The following GOPC variants were observed in gnomAD, a reference collection of about 807,000 sequenced individuals.
GOPC encodes golgi associated PDZ and coiled-coil motif containing, also known as Golgi-associated PDZ and coiled-coil motif-containing protein.
A neutral mutation model predicts 51.2 loss-of-function variants in GOPC; 32 were observed. The ratio of observed to expected loss-of-function variants is 0.63; its 90% CI spans 0.47 to 0.84. The LOEUF (loss-of-function observed/expected upper bound fraction) is 0.84, where lower values mean the gene tolerates loss of function less well. Ranked by LOEUF, GOPC falls within the 40% of genes least tolerant of loss-of-function variation. GOPC has a pLI of 0.00. For missense variants in GOPC, 441 were observed against 555.5 expected (o/e 0.79, Z 2.07); for synonymous variants, 190 against 205.1 (o/e 0.93, Z 0.63).
chr6:117,599,995 G>A (rs780217843), intron 1 of GOPC, among the ~76,000 whole-genome samples: 1 of 152,178 alleles, frequency 6.6e-6, no homozygotes, highest in Non-Finnish European at 1.5e-5. Flanking sequence ...AGTTGTAAAT[G>A]ATATGAAATT....
Position 117,573,619 on chromosome 6 carries a change from G to T in GOPC, c.664C>A (p.Gln222Lys), listed in dbSNP as rs981580409. 2 of 1,613,092 alleles carry T rather than the reference G, an allele frequency of 1.2e-6. No homozygotes were observed. Among genetic ancestry groups the T allele is most frequent in the African/African-American group, 1.3e-5 (1 of 74,888 alleles). Residue 222 changes from glutamine (Q) to lysine (K), a missense_variant, in exon 5 of 9, where the codon CAA (glutamine) becomes AAA (lysine). Physicochemically the swap from Gln to Lys is moderately conservative, Grantham distance 53. Transcript: ENST00000368498. ...KELAGRVQQI[Q>K]LLGRDMKGPA... ...CCCTTCATATCTCGTCCTAGCAATT[G>T]TATCTGTTGGACCCTTCATATTGGG...
intron 1 of GOPC, among the ~76,000 whole-genome samples, chr6:117,601,132 C>G (rs2114633817): frequency 6.6e-6 from 1 of 152,114 alleles, no homozygotes; most frequent in East Asian, 1.9e-4. Context: ...AAAGAAAGAC[C>G]CATTCTCTTA....
intron 1 of GOPC, among the ~76,000 whole-genome samples, chr6:117,596,473 A>G (rs141440106): frequency 0.014 from 2,194 of 152,284 alleles, 54 homozygotes; most frequent in African/African-American, 0.049. Context: ...GCCTAAGCCA[A>G]TATCTAAAAG....
chr6:117,581,844 T>A (rs1343868195), intron 1 of GOPC, among the ~76,000 whole-genome samples: 1 of 152,214 alleles, frequency 6.6e-6, no homozygotes, highest in Non-Finnish European at 1.5e-5. Flanking sequence ...TTTTGATACA[T>A]ATTGCATATA....
chr6:117,593,788 AG>A (rs1210314303), intron 1 of GOPC, among the ~76,000 whole-genome samples: 4 of 152,220 alleles, frequency 2.6e-5, no homozygotes, highest in Non-Finnish European at 4.4e-5. Flanking sequence ...CTATCTATTC[AG>A]GCAACCAGCT....
chr6:117,569,601 T>C lies in GOPC; in HGVS notation c.1048A>G (p.Lys350Glu), dbSNP rs773460282. Reference protein sequence around the residue: ...NGVNLRDTKHKEAVTILSQQR... With the variant: ...NGVNLRDTKHEEAVTILSQQR... ...TGAGAAAGAATAGTTACAGCTTCTT[T>C]ATGCTTTGTGTCCCTTAGGTTAACT... The change falls in exon 7 of 9, where the codon AAA (lysine) becomes GAA (glutamate). Residue 350 changes from lysine to glutamate, a missense_variant. By Grantham distance (56) the Lys-to-Glu change is moderately conservative. Transcript: ENST00000368498. 4.3e-6 allele frequency: 7 copies of C among 1,613,118 alleles called. No individual in the cohort carries two copies. The highest frequency in any genetic ancestry group is 4.0e-5 in the African/African-American group (3 of 74,866).
chr6:117,602,297 C>A lies in GOPC; in HGVS notation c.-9G>T, dbSNP rs1441564788. On this transcript the variant is annotated 5_prime_UTR_variant, in exon 1 of 9. Coordinates refer to ENST00000368498, the MANE Select transcript of GOPC (RefSeq NM_020399.4). ...GGACCGCCCGCCGACATGGCGCCGT[C>A]AAGGGCCTCTCCCGACTGCTGAAGA... The A allele has an allele frequency of 1.3e-6, 2 of 1,581,296 alleles. No homozygotes were observed. The highest frequency in any genetic ancestry group is 2.2e-5 in the South Asian group (2 of 89,520).
intron 1 of GOPC, among the ~76,000 whole-genome samples, chr6:117,583,597 T>C (rs548315873): frequency 2.0e-5 from 3 of 152,358 alleles, no homozygotes; most frequent in South Asian, 2.1e-4. Context: ...ATGTTATATT[T>C]GTATATAACA....
At chr6:117,574,121 C>T (rs920672257) in intron 4 of GOPC, among the ~76,000 whole-genome samples, 2 of 151,968 alleles carry the variant, frequency 1.3e-5, no homozygotes, top group African/African-American at 4.8e-5. Context: ...GGCATGGTGG[C>T]ATGCCTGTGG....
chr6:117,580,566 A>T (rs1328092295), intron 1 of GOPC, among the ~76,000 whole-genome samples: 1 of 152,144 alleles, frequency 6.6e-6, no homozygotes, highest in Non-Finnish European at 1.5e-5. Context: ...TCTAACAGGA[A>T]ATCATTCTAT....
chr6:117,571,611 T>G (rs971834304), intron 5 of GOPC, among the ~76,000 whole-genome samples: 2 of 152,122 alleles, frequency 1.3e-5, no homozygotes, highest in African/African-American at 2.4e-5. Flanking sequence ...CCCCCTTTCC[T>G]TAACCTCTAC....
chr6:117,589,158 G>C (rs1323431260), intron 1 of GOPC, among the ~76,000 whole-genome samples: 9 of 152,242 alleles, frequency 5.9e-5, no homozygotes, highest in Non-Finnish European at 1.0e-4. Context: ...CAGCCCACAG[G>C]CTGCGGGTTA....
intron 1 of GOPC, among the ~76,000 whole-genome samples, chr6:117,587,971 T>G (rs1043284441): frequency 2.6e-5 from 4 of 151,968 alleles, no homozygotes; most frequent in Non-Finnish European, 5.9e-5. Flanking sequence ...AACTCCTGAG[T>G]AGAAATAATC....
rs766112504 is a variant in GOPC, at chr6:117,602,089, C to T, written c.200G>A (p.Arg67Gln). Residue 67 changes from arginine (R) to glutamine (Q), a missense_variant, in exon 1 of 9, where the codon CGA becomes CAA. By Grantham distance (43) the Arg-to-Gln change is conservative (BLOSUM62 1). Coordinates refer to ENST00000368498, the MANE Select transcript of GOPC (RefSeq NM_020399.4). ...GGAGCTCAGGCTGGTCATCTTCTGTCGCCCCTCATAAGTGATGTCCGCTTG... is the reference window on the plus strand; with the variant it reads ...GGAGCTCAGGCTGGTCATCTTCTGTTGCCCCTCATAAGTGATGTCCGCTTG... ...PDQADITYEG[R>Q]QKMTSLSSCF... 3 of 1,614,196 alleles carry T rather than the reference C, an allele frequency of 1.9e-6. No individual in the cohort carries two copies. The highest frequency in any genetic ancestry group is 2.5e-6 in the Non-Finnish European group (3 of 1,180,030).
intron 1 of GOPC, among the ~76,000 whole-genome samples, chr6:117,598,804 C>G (rs1488272404): frequency 6.6e-6 from 1 of 151,926 alleles, no homozygotes; most frequent in East Asian, 1.9e-4. Context: ...AAAATTATGG[C>G]TAAATAAGAG....
intron 7 of GOPC, among the ~76,000 whole-genome samples, chr6:117,568,385 C>A (rs1025843237): frequency 4.6e-5 from 7 of 152,182 alleles, no homozygotes; most frequent in African/African-American, 1.7e-4. Context: ...AAGTTAGTCT[C>A]TTTGGTGCTC....
In GOPC at chr6:117,563,363, G is replaced by A. The variant is rs770619982; in HGVS notation, c.1280C>T (p.Thr427Ile). Residue 427 changes from threonine to isoleucine, a missense_variant, in exon 9 of 9, where the codon ACT becomes ATT. By Grantham distance (89) the Thr-to-Ile change is moderately conservative. Coordinates refer to ENST00000368498, the MANE Select transcript of GOPC (RefSeq NM_020399.4). ...CAGGTCTCCATTTTCATGTGTGTCA[G>A]TTACTGCCTTCTTATTAAATCCTGA... ...VLQGFNKKAV[T>I]DTHENGDLGT... The A allele has an allele frequency of 3.1e-6, 5 of 1,613,314 alleles. No individual in the cohort carries two copies. The African/African-American group carries it at 6.7e-5, about 22-fold the overall frequency.
rs111524047 is a variant in GOPC at position 117,563,058 on chromosome 6, A to G, written c.*196T>C. ...GAAAATCAAAATTGCTTTACATGCA[A>G]TAGCTAATTATGGTCTACCACAGAA... On this transcript the variant is annotated 3_prime_UTR_variant, in exon 9 of 9. Coordinates refer to ENST00000368498, the MANE Select transcript of GOPC (RefSeq NM_020399.4). 1 of 537,794 alleles carries G rather than the reference A, an allele frequency of 1.9e-6. No homozygotes were observed. Among genetic ancestry groups the G allele is most frequent in the African/African-American group, 1.9e-5 (1 of 51,858 alleles). 33.3% of individuals were successfully genotyped at this position (537,794 alleles called of 1,614,324 possible).
Position 117,602,311 on chromosome 6 carries a change from G to T in GOPC, c.-23C>A, listed in dbSNP as rs1174757648. The T allele has an allele frequency of 1.9e-6, 3 of 1,552,570 alleles. No individual in the cohort carries two copies. The highest frequency in any genetic ancestry group is 2.3e-5 in the South Asian group (2 of 86,640). On this transcript the variant is annotated 5_prime_UTR_variant, in exon 1 of 9. Coordinates refer to ENST00000368498, the MANE Select transcript of GOPC (RefSeq NM_020399.4). ...CATGGCGCCGTCAAGGGCCTCTCCC[G>T]ACTGCTGAAGACCCTCGCCGCCCCC...
Sources: gnomAD v4.1 joint callset for allele counts (sites outside exome capture counted in the v4.1 genomes callset) on GRCh38, gnomAD v4.1.1 for gene constraint, MANE v1.5 for transcripts, NCBI Gene and HGNC (gene_info 2026-07-23, HGNC 2026-07-21) for gene names.